PIK3C2G: variants seen among roughly 807,000 people sequenced by gnomAD.
The protein encoded by PIK3C2G is phosphatidylinositol 3-kinase C2 domain-containing subunit gamma.
In PIK3C2G, 168 loss-of-function variants were observed where a neutral mutation model predicts 181.1. That is an observed-to-expected ratio of 0.93 (90% CI 0.82 to 1.05). The LOEUF (loss-of-function observed/expected upper bound fraction) is 1.05. PIK3C2G is among the 50% of genes least tolerant of loss of function. PIK3C2G has a pLI of 0.00. For missense variants in PIK3C2G, 1,869 were observed against 1,732.8 expected, an observed-to-expected ratio of 1.08 and a Z score of -1.40; for synonymous variants, 573 against 592.2, an observed-to-expected ratio of 0.97 and a Z score of 0.47.
intron 18 of PIK3C2G, among the ~76,000 whole-genome samples, chr12:18,455,927 C>T (rs1418927960): frequency 6.6e-6 from 1 of 152,078 alleles, no homozygotes; most frequent in Non-Finnish European, 1.5e-5. Flanking sequence ...GACTGTCTGC[C>T]TCCACTCATA....
chr12:18,623,904 ATTCAT>A (rs1274780804), intron 31 of PIK3C2G, among the ~76,000 whole-genome samples: 1 of 151,818 alleles, frequency 6.6e-6, no homozygotes, highest in Non-Finnish European at 1.5e-5. Context: ...ACTTCGCTGA[ATTCAT>A]TTATCAGTTC....
intron 2 of PIK3C2G, among the ~76,000 whole-genome samples, chr12:18,286,001 A>G (rs980764281): frequency 6.6e-6 from 1 of 151,966 alleles, no homozygotes; most frequent in Non-Finnish European, 1.5e-5. Context: ...AAAAGACAAC[A>G]TTCAATCAGA....
intron 24 of PIK3C2G, among the ~76,000 whole-genome samples, chr12:18,513,111 T>C (rs1186500085): frequency 6.6e-6 from 1 of 151,894 alleles, no homozygotes. Flanking sequence ...AATCTGGGTA[T>C]GTTGAACCAT....
At chr12:18,273,945 A>T (rs906242408) in intron 1 of PIK3C2G, among the ~76,000 whole-genome samples, 1 of 152,190 alleles carries the variant, frequency 6.6e-6, no homozygotes, top group Non-Finnish European at 1.5e-5. Flanking sequence ...AATGAACTCA[A>T]ACAAATTTAC....
chr12:18,503,322 A>T lies in PIK3C2G; in HGVS notation c.3058A>T (p.Ile1020Phe), dbSNP rs775429316. 1.9e-6 allele frequency: 3 copies of T among 1,612,064 alleles called. No individual in the cohort carries two copies. The highest frequency in any genetic ancestry group is 2.2e-5 in the East Asian group (1 of 44,828). Residue 1020 changes from isoleucine (I) to phenylalanine (F), a missense_variant, in exon 23 of 33, where the codon ATT becomes TTT. Physicochemically the swap from Ile to Phe is conservative, Grantham distance 21. Coordinates refer to ENST00000538779, the MANE Select transcript of PIK3C2G (RefSeq NM_001288772.2). ...MVPDAVTLAK[I>F]HRHSGLIGPL... is the part of the protein sequence containing the mutation. ...ACCTGATGCTGTGACCCTAGCAAAG[A>T]TTCATCGCCATTCTGGACTGATAGG... is the stretch of plus-strand genomic sequence containing the variant.
chr12:18,672,148 G>A, the PIK3C2G span, among the ~76,000 whole-genome samples: 1 of 152,160 alleles, frequency 6.6e-6, no homozygotes, highest in African/African-American at 2.4e-5. Context: ...TTTTGCAGTG[G>A]ATCATGTTTT....
intron 1 of PIK3C2G, among the ~76,000 whole-genome samples, chr12:18,250,051 G>A (rs1181906343): frequency 6.6e-6 from 1 of 152,024 alleles, no homozygotes; most frequent in Admixed American, 6.6e-5. Context: ...CTCACTCAAT[G>A]TAACCAGAAT....
At chr12:18,608,184 A>T (rs374040179) in intron 30 of PIK3C2G, among the ~76,000 whole-genome samples, 7 of 152,108 alleles carry the variant, frequency 4.6e-5, no homozygotes, top group Non-Finnish European at 1.0e-4. Flanking sequence ...AAATACCATT[A>T]GACCCAGCCA....
chr12:18,609,093 A>T (rs1948206881), intron 30 of PIK3C2G, among the ~76,000 whole-genome samples: 1 of 152,138 alleles, frequency 6.6e-6, no homozygotes. Context: ...TTTCCATTTT[A>T]TATAAAGTTG....
intron 11 of PIK3C2G, among the ~76,000 whole-genome samples, chr12:18,347,450 A>T (rs1447359101): frequency 1.3e-5 from 2 of 152,182 alleles, no homozygotes; most frequent in African/African-American, 4.8e-5. Flanking sequence ...TAATTTGGTA[A>T]TGGATTTATT....
intron 16 of PIK3C2G, among the ~76,000 whole-genome samples, chr12:18,404,673 T>C (rs1006477509): frequency 6.6e-6 from 1 of 152,178 alleles, no homozygotes; most frequent in Non-Finnish European, 1.5e-5. Flanking sequence ...TGAATCATTT[T>C]ATATAACATT....
intron 29 of PIK3C2G, among the ~76,000 whole-genome samples, chr12:18,573,990 A>T (rs1946107472): frequency 6.6e-6 from 1 of 152,212 alleles, no homozygotes; most frequent in African/African-American, 2.4e-5. Flanking sequence ...GGCTTTTAAG[A>T]TCACACAAAT....
chr12:18,372,359 C>T (rs909038588), intron 13 of PIK3C2G, among the ~76,000 whole-genome samples: 1 of 152,022 alleles, frequency 6.6e-6, no homozygotes, highest in Non-Finnish European at 1.5e-5. Flanking sequence ...GCAATCAATA[C>T]AAGTTTGTTT....
chr12:18,478,750 A>G (rs1237734931), intron 18 of PIK3C2G, among the ~76,000 whole-genome samples: 1 of 152,142 alleles, frequency 6.6e-6, no homozygotes, highest in Admixed American at 6.5e-5. Flanking sequence ...GGCCAAGGCC[A>G]GATCGCTTGA....
the PIK3C2G span, among the ~76,000 whole-genome samples, chr12:18,666,402 C>T: frequency 2.0e-5 from 3 of 151,890 alleles, no homozygotes; most frequent in African/African-American, 7.3e-5. Context: ...TACATTTATG[C>T]AAATAGTCTC....
chr12:18,504,795 T>C (rs1941715404), intron 23 of PIK3C2G, among the ~76,000 whole-genome samples: 1 of 152,234 alleles, frequency 6.6e-6, no homozygotes. Flanking sequence ...ATCAACTACA[T>C]TGATGACCTA....
the PIK3C2G span, among the ~76,000 whole-genome samples, chr12:18,708,703 A>T: frequency 1.1e-4 from 16 of 152,072 alleles, no homozygotes; most frequent in African/African-American, 3.6e-4. Flanking sequence ...ACCTTCTAAC[A>T]TGGTAAGACT....
At chr12:18,694,086 G>A in the PIK3C2G span, 209 of 1,173,144 alleles carry the variant, frequency 1.8e-4, no homozygotes, top group Non-Finnish European at 2.5e-4. Flanking sequence ...ACCCCTGAGG[G>A]GCTGTATCTC....
At chr12:18,665,889 C>T in the PIK3C2G span, among the ~76,000 whole-genome samples, 58 of 149,696 alleles carry the variant, frequency 3.9e-4, no homozygotes, top group Middle Eastern at 3.5e-3. Context: ...GAGCCAAGAT[C>T]GCGCCATTGT....
Sources: gnomAD v4.1 joint callset for allele counts (sites outside exome capture counted in the v4.1 genomes callset) on GRCh38, gnomAD v4.1.1 for gene constraint, MANE v1.5 for transcripts, NCBI Gene and HGNC (gene_info 2026-07-23, HGNC 2026-07-21) for gene names.